MOGAT3: variants seen among roughly 807,000 people sequenced by gnomAD.
MOGAT3 encodes the protein monoacylglycerol O-acyltransferase 3.
In MOGAT3, 39 loss-of-function variants were observed where a neutral mutation model predicts 34.4. The observed-to-expected ratio is 1.13, with a 90% CI of 0.88 to 1.48. The LOEUF is 1.48. MOGAT3 is among the 40% of genes most tolerant of loss of function. The pLI, the probability that MOGAT3 is intolerant of heterozygous loss-of-function variation, is 0.00. For synonymous variants in MOGAT3, 209 were observed against 179.2 expected (o/e 1.17, Z -1.33); for missense variants, 439 against 438.9 (o/e 1.00, Z 0.00).
At position 101,196,113 on chromosome 7, in the gene MOGAT3, G is replaced by A. The variant is rs1273101930; in HGVS notation, c.872-13C>T. Reference sequence around the variant, plus strand: ...ATGGGGCGGCCCACTGCAGGGAGAGGGAGACAGGTGGGCGAGGGATCCCTG... The same window carrying A: ...ATGGGGCGGCCCACTGCAGGGAGAGAGAGACAGGTGGGCGAGGGATCCCTG... On this transcript the variant is annotated splice_polypyrimidine_tract_variant and intron_variant, in intron 6 of 6. Transcript: ENST00000223114. 1 of 1,599,424 alleles carries A rather than the reference G, an allele frequency of 6.3e-7. No homozygotes were observed. The highest frequency in any genetic ancestry group is 8.5e-7 in the Non-Finnish European group (1 of 1,172,546).
In MOGAT3 at chr7:101,200,283, A is replaced by C; in HGVS notation, c.239T>G (p.Ile80Arg). The C allele has an allele frequency of 1.9e-6, 3 of 1,614,034 alleles. No homozygotes were observed. The highest frequency in any genetic ancestry group is 3.3e-4 in the Middle Eastern group (2 of 6,062). ...PNQGGRRSEWIRNRAIWRQLR... is the reference protein window; with the variant it reads ...PNQGGRRSEWRRNRAIWRQLR... ...TTGTCTCCAAATTGCCCGGTTCCTT[A>C]TCCACTCCGAACGCCTTCCACCTGC... Residue 80 changes from isoleucine (I) to arginine (R), a missense_variant, in exon 3 of 7, where the codon ATA (isoleucine) becomes AGA (arginine). Transcript: ENST00000223114.
chr7:101,199,905 C>G (rs755865473), intron 3 of MOGAT3, among the ~76,000 whole-genome samples: 5 of 151,882 alleles, frequency 3.3e-5, no homozygotes, highest in Non-Finnish European at 7.4e-5. Context: ...ACCAGCCTGG[C>G]CAACATGTTG....
At chr7:101,200,347 C>A (rs1350734145) in intron 2 of MOGAT3, 43 bp from the exon 3 acceptor site, 1 of 1,611,668 alleles carries the variant, frequency 6.2e-7, no homozygotes, top group South Asian at 1.1e-5. Context: ...CCGGAGTCAC[C>A]TCCCCTCACC....
intron 3 of MOGAT3, among the ~76,000 whole-genome samples, chr7:101,199,628 T>C (rs1584242161): frequency 6.6e-6 from 1 of 151,220 alleles, no homozygotes; most frequent in South Asian, 2.1e-4. Context: ...TTTTTTTTTT[T>C]TTTTTAGAGA....
intron 3 of MOGAT3, 130 bp downstream of exon 3, chr7:101,200,103 AT>A: frequency 1.3e-6 from 1 of 745,632 alleles, no homozygotes; most frequent in Non-Finnish European, 2.3e-6. Flanking sequence ...AAAAAAAAAA[AT>A]CCATTCCCTG....
chr7:101,193,542 C>G (rs1797721349), downstream of MOGAT3, among the ~76,000 whole-genome samples: 2 of 152,066 alleles, frequency 1.3e-5, no homozygotes, highest in Admixed American at 6.6e-5. Flanking sequence ...GATTCTCCTG[C>G]CTCAATCTCT....
rs765995401 is a variant in MOGAT3, at chr7:101,200,868, C to G, written c.-14G>C. 1 of 1,602,904 alleles carries G rather than the reference C, an allele frequency of 6.2e-7. No individual in the cohort carries two copies. The highest frequency in any genetic ancestry group is 1.1e-5 in the South Asian group (1 of 89,630). On this transcript the variant is annotated 5_prime_UTR_variant, in exon 1 of 7. Coordinates refer to ENST00000223114, the MANE Select transcript of MOGAT3 (RefSeq NM_178176.4). The stretch of plus-strand genomic sequence containing the variant: ...GGCAACTCCCATTGCAGAAGCTCCC[C>G]TCTTCCAGCAGGATCCCAGAACCCG...
At chr7:101,196,421 A>C in intron 5 of MOGAT3, 32 bp from the exon 6 acceptor site, 4 of 1,554,502 alleles carry the variant, frequency 2.6e-6, no homozygotes, top group Non-Finnish European at 3.5e-6. Context: ...GAGGGGGCTC[A>C]GGCTGCTGGA....
downstream of MOGAT3, among the ~76,000 whole-genome samples, chr7:101,193,732 C>T (rs906889672): frequency 2.6e-4 from 40 of 152,062 alleles, no homozygotes; most frequent in Admixed American, 1.4e-3. Context: ...CTGGCCTGAA[C>T]GAAACATTTC....
chr7:101,195,555 TTTTTG>T lies in MOGAT3; in HGVS notation c.*386_*390del. On this transcript the variant is annotated 3_prime_UTR_variant, in exon 7 of 7. Coordinates refer to ENST00000223114, the MANE Select transcript of MOGAT3 (RefSeq NM_178176.4). ...AGTCTTTTTTTTTTTTTTTTTTTTT[TTTTTG>T]AGATTGAGTCTCGCTGTGTTGCCCA... 1 of 130,852 alleles carries T rather than the reference TTTTTG, an allele frequency of 7.6e-6. No homozygotes were observed. The highest frequency in any genetic ancestry group is 8.0e-5 in the Admixed American group (1 of 12,440). The allele number at this position is 130,852 out of a possible 1,614,324, so 8.1% of individuals were successfully genotyped here.
At chr7:101,194,498 C>CTTTTTTT (rs34849826), downstream of MOGAT3, among the ~76,000 whole-genome samples, 5 of 95,522 alleles carry the variant, frequency 5.2e-5, no homozygotes, top group Admixed American at 1.2e-4. Flanking sequence ...AGGACATAAG[C>CTTTTTTT]TTTTTTTTTT....
At chr7:101,194,498 C>CTTTTTTTTTTTTT (rs34849826), downstream of MOGAT3, among the ~76,000 whole-genome samples, 1 of 95,522 alleles carries the variant, frequency 1.0e-5, no homozygotes, top group Non-Finnish European at 1.9e-5. Flanking sequence ...AGGACATAAG[C>CTTTTTTTTTTTTT]TTTTTTTTTT....
Position 101,200,777 on chromosome 7 carries a change from G to A in MOGAT3, c.78C>T (p.Ala26=). The part of the protein sequence containing the change: ...LQKQHLEAVG[A]YQYVLTFLFM... ...AGAGGAAAGTGAGCACATATTGGTA[G>A]GCGCCCACTGCTTCTAGATGCTGCT... Residue 26 remains alanine (A), a synonymous_variant, in exon 1 of 7, where the codon GCC becomes GCT. Transcript: ENST00000223114. 6.2e-7 allele frequency: 1 copy of A among 1,614,148 alleles called. No homozygotes were observed. Among genetic ancestry groups the A allele is most frequent in the South Asian group, 1.1e-5 (1 of 91,076 alleles).
chr7:101,198,084 G>C, intron 5 of MOGAT3, 107 bp downstream of exon 5: 1 of 1,309,762 alleles, frequency 7.6e-7, no homozygotes. Flanking sequence ...GCAGGGCGCT[G>C]GTCTCTGGGC....
intron 3 of MOGAT3, among the ~76,000 whole-genome samples, chr7:101,199,061 G>A (rs886195868): frequency 6.7e-6 from 1 of 150,366 alleles, no homozygotes; most frequent in Non-Finnish European, 1.5e-5. Context: ...GAAGTGCAGT[G>A]GCACGATCTC....
intron 5 of MOGAT3, among the ~76,000 whole-genome samples, chr7:101,197,091 A>AG (rs1183310766): frequency 6.6e-6 from 1 of 151,964 alleles, no homozygotes; most frequent in Non-Finnish European, 1.5e-5. Flanking sequence ...GGTTGCAGCG[A>AG]GCCGAGATCA....
rs1326678286 is a variant in MOGAT3, at chr7:101,198,211, C to T, written c.648G>A (p.Val216=). ...CTCACCCGTGCCTCAGCGCCAGGCGCACGAAGCCTTTGCGCTTCTGGAGCG... is the reference window on the plus strand; with the variant it reads ...CTCACCCGTGCCTCAGCGCCAGGCGTACGAAGCCTTTGCGCTTCTGGAGCG... ...CLTLQKRKGF[V]RLALRHGASL... The change falls in exon 5 of 7, where the codon GTG becomes GTA. Residue 216 remains valine (V), a synonymous_variant. Transcript: ENST00000223114. 114 of 1,612,854 alleles carry T rather than the reference C, an allele frequency of 7.1e-5. No homozygotes were observed. Among genetic ancestry groups the T allele is most frequent in the Non-Finnish European group, 9.3e-5 (110 of 1,179,460 alleles).
chr7:101,200,328 G>A, intron 2 of MOGAT3, 24 bp from the exon 3 acceptor site: 1 of 1,613,430 alleles, frequency 6.2e-7, no homozygotes, highest in Non-Finnish European at 8.5e-7. Context: ...GATACTGGTG[G>A]ACGAACCCCC....
chr7:101,196,585 A>C (rs931720500), intron 5 of MOGAT3, among the ~76,000 whole-genome samples, 196 bp from the exon 6 acceptor site: 2 of 152,136 alleles, frequency 1.3e-5, no homozygotes, highest in Admixed American at 1.3e-4. Context: ...TCTTTGTTTT[A>C]GAGAGAGGGT....
Sources: gnomAD v4.1 joint callset for allele counts (sites outside exome capture counted in the v4.1 genomes callset) on GRCh38, gnomAD v4.1.1 for gene constraint, MANE v1.5 for transcripts, NCBI Gene and HGNC (gene_info 2026-07-23, HGNC 2026-07-21) for gene names.